Variants in CCDC66 observed in about 807,000 individuals in gnomAD.
The protein encoded by CCDC66 is coiled-coil domain containing 66, also known as coiled-coil domain-containing protein 66.
CCDC66 carries 133 observed loss-of-function variants against 128.3 expected under a neutral mutation model. The observed-to-expected ratio is 1.04, with a 90% CI of 0.90 to 1.20. The LOEUF (loss-of-function observed/expected upper bound fraction) is 1.20, where lower values mean the gene tolerates loss of function less well. Ranked by LOEUF, CCDC66 falls within the 50% of genes most tolerant of loss-of-function variation. The pLI is 0.00. For synonymous variants in CCDC66, 387 were observed against 357.0 expected, an observed-to-expected ratio of 1.08 and a Z score of -0.95; for missense variants, 1,126 against 1,075.5, an observed-to-expected ratio of 1.05 and a Z score of -0.66.
chr3:56,600,242 G>A (rs779646482), intron 10 of CCDC66, among the ~76,000 whole-genome samples: 16 of 150,666 alleles, frequency 1.1e-4, no homozygotes, highest in Admixed American at 2.0e-4. Context: ...TCTGCCTCCC[G>A]GGTTCAAGTG....
Position 56,588,467 on chromosome 3 carries a change from T to A in CCDC66, c.937-4503T>A, listed in dbSNP as rs574695588. ...AAACCTATAGAAATAAAAATTTTTT[T>A]AAAAAGTAATTGCAGTTTTACCCAT... On this transcript the variant is annotated intron_variant, in intron 7 of 17. Transcript: ENST00000394672. Among the ~76,000 whole-genome samples, 691 of 152,288 alleles carry A rather than the reference T, an allele frequency of 4.5e-3. 4 individuals carry two copies. The highest frequency in any genetic ancestry group is 6.9e-3 in the Non-Finnish European group (469 of 68,002).
At chr3:56,611,589 G>A (rs965572356) in intron 10 of CCDC66, among the ~76,000 whole-genome samples, 1 of 139,492 alleles carries the variant, frequency 7.2e-6, no homozygotes, top group African/African-American at 2.7e-5. Flanking sequence ...CCCAGTTCTG[G>A]CAAGGAAGCT....
intron 7 of CCDC66, among the ~76,000 whole-genome samples, chr3:56,591,898 GT>G (rs1286499194): frequency 6.6e-6 from 1 of 152,120 alleles, no homozygotes; most frequent in Non-Finnish European, 1.5e-5. Context: ...CTGTCAAACA[GT>G]TTTTCTTAAT....
intron 7 of CCDC66, among the ~76,000 whole-genome samples, chr3:56,581,111 A>G (rs1228792441): frequency 7.0e-6 from 1 of 143,376 alleles, no homozygotes; most frequent in Non-Finnish European, 1.5e-5. Context: ...GTTTCTTTTT[A>G]CTCTTTTTTC....
At position 56,557,356 on chromosome 3, in the gene CCDC66, A is replaced by C. The variant is rs879049071; in HGVS notation, c.11+103A>C. On this transcript the variant is annotated intron_variant, in intron 1 of 17. Coordinates refer to ENST00000394672, the MANE Select transcript of CCDC66 (RefSeq NM_001141947.3). The stretch of plus-strand genomic sequence containing the variant: ...TGTCCCTTGGAGTCTTTACTGGAGA[A>C]CGTTCCCAACCTGCGCCGCCGAGAG... 3.9e-5 allele frequency: 57 copies of C among 1,445,764 alleles called. 1 individual carries two copies. In the South Asian group the frequency reaches 7.3e-4, roughly 19 times the overall value. The allele number at this position is 1,445,764 out of a possible 1,614,324, so 89.6% of individuals were successfully genotyped here. A position where few individuals can be genotyped will look rare whatever the true frequency, so the allele number is the denominator to read the frequency against.
At chr3:56,615,084 T>C in intron 11 of CCDC66, 44 bp from the exon 12 acceptor site, 1 of 1,590,566 alleles carries the variant, frequency 6.3e-7, no homozygotes, top group Non-Finnish European at 8.6e-7. Flanking sequence ...GTCAAGTCTT[T>C]GTATGTTTAA....
Position 56,618,188 on chromosome 3 carries a change from ATATT to A in CCDC66, c.2355_2358del (p.Phe789AlafsTer12), listed in dbSNP as rs769912846. 4.3e-6 allele frequency: 7 copies of A among 1,612,960 alleles called. No homozygotes were observed. Among genetic ancestry groups the A allele is most frequent in the Admixed American group, 1.7e-5 (1 of 59,998 alleles). On this transcript the variant is annotated frameshift_variant, in exon 15 of 18. Coordinates refer to ENST00000394672, the MANE Select transcript of CCDC66 (RefSeq NM_001141947.3). LOFTEE classifies it high-confidence loss of function. ...ATATTTTAGGAAGAAGAGCCTCTGAATATTCATTCATTCAGCAAGGAAAGGTAAG... is the reference window on the plus strand; with the variant it reads ...ATATTTTAGGAAGAAGAGCCTCTGAACATTCATTCAGCAAGGAAAGGTAAG...
chr3:56,566,800 A>C, intron 5 of CCDC66, 41 bp downstream of exon 5: 1 of 1,576,610 alleles, frequency 6.3e-7, no homozygotes, highest in African/African-American at 1.4e-5. Context: ...GGTCATCTTC[A>C]GAATATGGTT....
chr3:56,619,670 C>T (rs2076087629), intron 16 of CCDC66, 107 bp from the exon 17 acceptor site: 1 of 1,487,956 alleles, frequency 6.7e-7, no homozygotes, highest in East Asian at 2.3e-5. Context: ...TTAGTACTTT[C>T]CTAGGATACA....
chr3:56,562,255 G>T (rs1450656305), intron 3 of CCDC66, among the ~76,000 whole-genome samples: 1 of 151,910 alleles, frequency 6.6e-6, no homozygotes, highest in African/African-American at 2.4e-5. Flanking sequence ...TTCCTGTGTT[G>T]CCCAGGCTTG....
Position 56,621,605 on chromosome 3 carries a change from G to T in CCDC66, c.2834G>T (p.Gly945Val). The T allele has an allele frequency of 6.3e-7, 1 of 1,594,772 alleles. No individual in the cohort carries two copies. The highest frequency in any genetic ancestry group is 8.5e-7 in the Non-Finnish European group (1 of 1,170,746). The change falls in exon 18 of 18, where the codon GGT (glycine) becomes GTT (valine). Residue 945 changes from glycine (G) to valine (V), a missense_variant. Transcript: ENST00000394672. ...GCTGAAAATCAAGAAGAGAGTTTTG[G>T]TTCTTCATTTTAAATGTAGAAAATC... The part of the protein sequence containing the change: ...PLAENQEESF[G>V]SSF
chr3:56,585,922 G>A (rs2069613561), intron 7 of CCDC66, among the ~76,000 whole-genome samples: 1 of 151,862 alleles, frequency 6.6e-6, no homozygotes, highest in East Asian at 2.0e-4. Flanking sequence ...GTAATGAGTA[G>A]CTGACACAAA....
Position 56,564,035 on chromosome 3 carries a change from C to G in CCDC66, c.454C>G (p.Leu152Val). 1.2e-6 allele frequency: 2 copies of G among 1,613,948 alleles called. No individual in the cohort carries two copies. Among genetic ancestry groups the G allele is most frequent in the South Asian group, 2.2e-5 (2 of 91,076 alleles). The part of the protein sequence containing the change: ...AENMKSSLVC[L>V]TQDQLQQILM... ...AAACATGAAGAGCAGTTTGGTGTGTCTAACACAAGACCAACTACAACAGAT... is the reference window on the plus strand; with the variant it reads ...AAACATGAAGAGCAGTTTGGTGTGTGTAACACAAGACCAACTACAACAGAT... Residue 152 changes from leucine to valine, a missense_variant, in exon 4 of 18, where the codon CTA (leucine) becomes GTA (valine). Physicochemically the swap from Leu to Val is conservative, Grantham distance 32 (BLOSUM62 1). Transcript: ENST00000394672.
intron 10 of CCDC66, among the ~76,000 whole-genome samples, chr3:56,600,667 G>A (rs1266177395): frequency 2.0e-5 from 3 of 151,728 alleles, no homozygotes; most frequent in East Asian, 1.9e-4. Context: ...TTTAATGATC[G>A]CCATTCTAAC....
intron 7 of CCDC66, among the ~76,000 whole-genome samples, chr3:56,576,764 C>G (rs2067447651): frequency 6.6e-6 from 1 of 151,612 alleles, no homozygotes; most frequent in Non-Finnish European, 1.5e-5. Flanking sequence ...CAGAGTATTG[C>G]ATGGTGTATA....
At chr3:56,598,433 T>C (rs2072528101) in intron 10 of CCDC66, among the ~76,000 whole-genome samples, 1 of 151,978 alleles carries the variant, frequency 6.6e-6, no homozygotes, top group South Asian at 2.1e-4. Context: ...TTGCTCTGGC[T>C]AGGACTTCTG....
intron 7 of CCDC66, chr3:56,572,390 A>T (rs1403274239): frequency 7.8e-7 from 1 of 1,289,538 alleles, no homozygotes; most frequent in East Asian, 5.6e-5. Flanking sequence ...GTCCAAGCTG[A>T]TGGGGCATTC....
At chr3:56,572,342 C>T in intron 7 of CCDC66, 1 of 1,288,744 alleles carries the variant, frequency 7.8e-7, no homozygotes, top group South Asian at 1.2e-5. Context: ...GCTAGCTCTT[C>T]AAGCATTCTA....
Position 56,618,236 on chromosome 3 carries a change from C to T in CCDC66, c.2378+24C>T, listed in dbSNP as rs374157914. On this transcript the variant is annotated intron_variant, in intron 15 of 17. Coordinates refer to ENST00000394672, the MANE Select transcript of CCDC66 (RefSeq NM_001141947.3). ...AGGTAAGTATGCATCAGATTAATTCCGCAGCTACTTAATGCTTTCTATGTG... is the reference window on the plus strand; with the variant it reads ...AGGTAAGTATGCATCAGATTAATTCTGCAGCTACTTAATGCTTTCTATGTG... 2.6e-4 allele frequency: 418 copies of T among 1,602,480 alleles called. 1 individual carries two copies. Among genetic ancestry groups the T allele is most frequent in the Non-Finnish European group, 3.2e-4 (374 of 1,169,938 alleles).
Sources: allele counts gnomAD v4.1 joint callset (sites outside exome capture counted in the v4.1 genomes callset), GRCh38; gene constraint gnomAD v4.1.1; transcripts MANE v1.5; gene names NCBI Gene and HGNC (gene_info 2026-07-23, HGNC 2026-07-21).